The following LRRD1 variants were observed in gnomAD, a reference collection of about 807,000 sequenced individuals.
LRRD1 encodes leucine-rich repeat and death domain-containing protein 1.
In LRRD1, 49 loss-of-function variants were observed where a neutral mutation model predicts 69.5. That is an observed-to-expected ratio of 0.70 (90% CI 0.56 to 0.89). The LOEUF is 0.89. Among genes scored for constraint, LRRD1 ranks in the 40% least tolerant of loss-of-function variants. The pLI is 0.00. For missense variants in LRRD1, 853 were observed against 956.0 expected (o/e 0.89, Z 1.42); for synonymous variants, 303 against 338.9 (o/e 0.89, Z 1.16).
intron 1 of LRRD1, among the ~76,000 whole-genome samples, chr7:92,168,484 G>A (rs1396965304): frequency 1.3e-5 from 2 of 152,156 alleles, no homozygotes; most frequent in East Asian, 3.9e-4. Context: ...TGCTGTAGGA[G>A]GTTCGTTCCA....
chr7:92,144,809 G>A (rs183775573), downstream of LRRD1: 5 of 809,004 alleles, frequency 6.2e-6, no homozygotes, highest in South Asian at 9.4e-5. Context: ...GTATGATAAA[G>A]TGAAGTGAAA....
intron 3 of LRRD1, among the ~76,000 whole-genome samples, chr7:92,157,739 C>A (rs1343626534): frequency 2.7e-5 from 4 of 150,646 alleles, no homozygotes; most frequent in Non-Finnish European, 5.9e-5. Flanking sequence ...CCACACCTGA[C>A]TAATTTTTTT....
intron 2 of LRRD1, among the ~76,000 whole-genome samples, chr7:92,160,422 TA>T (rs1318819371): frequency 3.3e-5 from 5 of 152,152 alleles, no homozygotes; most frequent in African/African-American, 1.2e-4. Context: ...GCCAAAATAA[TA>T]CAATTAATAA....
At chr7:92,143,355 C>T (rs577744596), downstream of LRRD1, among the ~76,000 whole-genome samples, 27 of 152,290 alleles carry the variant, frequency 1.8e-4, no homozygotes, top group African/African-American at 5.8e-4. Context: ...CTGTCAATCC[C>T]GCACCGTGTG....
At chr7:92,154,239 T>A (rs910542299) in intron 3 of LRRD1, among the ~76,000 whole-genome samples, 3 of 151,720 alleles carry the variant, frequency 2.0e-5, no homozygotes, top group Non-Finnish European at 2.9e-5. Flanking sequence ...AAGTTTTGAT[T>A]TTTTTCACCT....
intron 1 of LRRD1, among the ~76,000 whole-genome samples, chr7:92,176,102 A>G (rs1242514567): frequency 1.3e-5 from 2 of 152,190 alleles, no homozygotes; most frequent in Non-Finnish European, 2.9e-5. Flanking sequence ...CAATTTTAGG[A>G]TAAGTATGTC....
chr7:92,146,374 T>C (rs1475951406), intron 4 of LRRD1, among the ~76,000 whole-genome samples, 174 bp from the exon 5 acceptor site: 3 of 152,198 alleles, frequency 2.0e-5, no homozygotes, highest in African/African-American at 7.2e-5. Context: ...TCCCAGCACT[T>C]TGGGAGGCCG....
intron 1 of LRRD1, among the ~76,000 whole-genome samples, chr7:92,174,130 GA>G (rs1013788869): frequency 3.9e-5 from 6 of 152,010 alleles, no homozygotes; most frequent in African/African-American, 1.2e-4. Flanking sequence ...AAAAGTAAAT[GA>G]AGATAGAGAG....
At chr7:92,141,771 A>G (rs1820152229), downstream of LRRD1, 1 of 152,204 alleles carries the variant, frequency 6.6e-6, no homozygotes, top group Non-Finnish European at 1.5e-5. Flanking sequence ...AAGTTTTAAA[A>G]TAGGGAAGGA....
intron 5 of LRRD1, among the ~76,000 whole-genome samples, chr7:92,145,747 C>A (rs899145653): frequency 3.3e-5 from 5 of 152,038 alleles, no homozygotes; most frequent in Non-Finnish European, 7.4e-5. Flanking sequence ...CTACTATATG[C>A]TTTATAGCTT....
rs1788862869 is a variant in LRRD1 at position 92,164,606 on chromosome 7, T to C, written c.597A>G (p.Gly199=). ...GLEILSLQEN[G]LSSLPSEIQL... ...GAATTTCAGATGGAAGTGATGATAA[T>C]CCATTTTCTTGCAGGGATAGAATTT... Residue 199 remains glycine, a synonymous_variant, in exon 2 of 6, where the codon GGA becomes GGG. Coordinates refer to ENST00000458448, the MANE Select transcript of LRRD1 (RefSeq NM_001161528.2). 5 of 1,551,664 alleles carry C rather than the reference T, an allele frequency of 3.2e-6. No homozygotes were observed. The South Asian group carries it at 5.9e-5, about 18-fold the overall frequency.
chr7:92,167,894 A>T (rs56230614), intron 1 of LRRD1, among the ~76,000 whole-genome samples: 12 of 146,914 alleles, frequency 8.2e-5, no homozygotes, highest in African/African-American at 1.5e-4. Context: ...AAAAAAAAAA[A>T]AAAAAAAAAA....
downstream of LRRD1, chr7:92,142,693 C>T (rs1297934369): frequency 7.4e-6 from 3 of 404,206 alleles, no homozygotes; most frequent in South Asian, 1.8e-5. Context: ...CTGGTGGGAT[C>T]GTGGTCTCGC....
intron 1 of LRRD1, among the ~76,000 whole-genome samples, chr7:92,175,699 T>C (rs961325514): frequency 4.6e-5 from 7 of 152,170 alleles, no homozygotes; most frequent in African/African-American, 1.7e-4. Context: ...TTTACAAAGG[T>C]GTAGCCAGAG....
rs188321576 is a variant in LRRD1 at position 92,147,031 on chromosome 7, C to T, written c.2279-831G>A. On this transcript the variant is annotated intron_variant, in intron 4 of 5. Coordinates refer to ENST00000458448, the MANE Select transcript of LRRD1 (RefSeq NM_001161528.2). ...TTTCTAAAATTTGAAAAATCCAACA[C>T]TTAAAATGGCTGTTGAAAAGAATAT... Among the ~76,000 whole-genome samples the T allele has an allele frequency of 6.7e-3, 1,018 of 150,878 alleles. 9 individuals carry two copies. The highest frequency in any genetic ancestry group is 0.024 in the African/African-American group (968 of 41,084).
At chr7:92,154,707 T>C (rs1368103290) in intron 3 of LRRD1, among the ~76,000 whole-genome samples, 1 of 152,234 alleles carries the variant, frequency 6.6e-6, no homozygotes, top group Non-Finnish European at 1.5e-5. Context: ...GTTATTTATT[T>C]GTTTTTGTTT....
downstream of LRRD1, chr7:92,142,789 G>A (rs191853506): frequency 1.0e-3 from 460 of 445,444 alleles, 1 homozygote; most frequent in Non-Finnish European, 1.6e-3. Flanking sequence ...TTCTCCCGGT[G>A]GGTTCCTGGT....
In LRRD1 at chr7:92,163,377, A is replaced by C; in HGVS notation, c.1826T>G (p.Phe609Cys). The change falls in exon 2 of 6, where the codon TTC becomes TGC. Residue 609 changes from phenylalanine (F) to cysteine (C), a missense_variant. By Grantham distance (205) the Phe-to-Cys change is radical (BLOSUM62 -2). Transcript: ENST00000458448. ...CNLKGIQKLN[F>C]SSNQFIHFPI... Reference sequence around the variant, plus strand: ...AAAATGTATAAATTGATTGCTTGAGAAGTTTAATTTCTGGATTCCTTTTAA... The same window carrying C: ...AAAATGTATAAATTGATTGCTTGAGCAGTTTAATTTCTGGATTCCTTTTAA... 1 of 1,546,316 alleles carries C rather than the reference A, an allele frequency of 6.5e-7. No homozygotes were observed. Among genetic ancestry groups the C allele is most frequent in the Non-Finnish European group, 8.7e-7 (1 of 1,145,568 alleles).
At position 92,164,392 on chromosome 7, in the gene LRRD1, G is replaced by A; in HGVS notation, c.811C>T (p.His271Tyr). The A allele has an allele frequency of 6.5e-7, 1 of 1,548,542 alleles. No individual in the cohort carries two copies. The highest frequency in any genetic ancestry group is 8.7e-7 in the Non-Finnish European group (1 of 1,146,072). ...ILSLGKNKLR[H>Y]IPDTLPSLKT... ...AAACTAGGCAGAGTATCTGGTATAT[G>A]TCTTAACTTATTTTTACCCAAACTT... The change falls in exon 2 of 6, where the codon CAT (histidine) becomes TAT (tyrosine). Residue 271 changes from histidine (H) to tyrosine (Y), a missense_variant. Coordinates refer to ENST00000458448, the MANE Select transcript of LRRD1 (RefSeq NM_001161528.2).
Sources: gnomAD v4.1 joint callset for allele counts (sites outside exome capture counted in the v4.1 genomes callset) on GRCh38, gnomAD v4.1.1 for gene constraint, MANE v1.5 for transcripts, NCBI Gene and HGNC (gene_info 2026-07-23, HGNC 2026-07-21) for gene names.